Variants in TTLL4 observed in about 807,000 individuals in gnomAD.
The protein encoded by TTLL4 is tubulin tyrosine ligase like 4.
In TTLL4, 85 loss-of-function variants were observed where a neutral mutation model predicts 122.7. The observed-to-expected ratio is 0.69, with a 90% CI of 0.58 to 0.83. The LOEUF is 0.83. Ranked by LOEUF, TTLL4 falls within the 40% of genes least tolerant of loss-of-function variation. The pLI is 0.00. For synonymous variants in TTLL4, 553 were observed against 563.0 expected (o/e 0.98, Z 0.25); for missense variants, 1,363 against 1,488.6 (o/e 0.92, Z 1.39).
intron 1 of TTLL4, among the ~76,000 whole-genome samples, chr2:218,719,654 A>G (rs1225660406): frequency 2.0e-5 from 3 of 152,174 alleles, no homozygotes; most frequent in Admixed American, 6.5e-5. Context: ...GTCATCTGGA[A>G]TGCTTGTTAA....
rs1335578195 is a variant in TTLL4, at chr2:218,737,831, T to A, written c.155T>A (p.Ile52Asn). 6.2e-7 allele frequency: 1 copy of A among 1,614,108 alleles called. No individual in the cohort carries two copies. Among genetic ancestry groups the A allele is most frequent in the Admixed American group, 1.7e-5 (1 of 60,014 alleles). Residue 52 changes from isoleucine to asparagine, a missense_variant, in exon 3 of 20, where the codon ATC becomes AAC. By Grantham distance (149) the Ile-to-Asn change is moderately radical (BLOSUM62 -3). Coordinates refer to ENST00000392102, the MANE Select transcript of TTLL4 (RefSeq NM_014640.5). ...CAGGCCCATCAGCAAGTGAAGCCAA[T>A]CTGGAAGCTGGAAAAGAAGCAAGTG... ...WPQAHQQVKP[I>N]WKLEKKQVET... is the part of the protein sequence containing the mutation.
intron 2 of TTLL4, among the ~76,000 whole-genome samples, chr2:218,730,356 A>AG (rs1942343856): frequency 7.0e-6 from 1 of 142,322 alleles, no homozygotes; most frequent in Non-Finnish European, 1.5e-5. Flanking sequence ...AAAAGAAAAA[A>AG]AATTAGCTGG....
chr2:218,737,122 C>CT (rs757780551), intron 2 of TTLL4, among the ~76,000 whole-genome samples: 2 of 152,254 alleles, frequency 1.3e-5, no homozygotes, highest in East Asian at 3.9e-4. Context: ...CTCAAATAAT[C>CT]TTTAATCTTT....
At chr2:218,757,454 G>A (rs1161704976), downstream of TTLL4, among the ~76,000 whole-genome samples, 1 of 152,224 alleles carries the variant, frequency 6.6e-6, no homozygotes, top group Non-Finnish European at 1.5e-5. Context: ...TGTGAACTGA[G>A]TGGGATTATT....
intron 5 of TTLL4, among the ~76,000 whole-genome samples, chr2:218,741,980 A>C (rs1322834791): frequency 6.6e-6 from 1 of 152,248 alleles, no homozygotes; most frequent in Non-Finnish European, 1.5e-5. Flanking sequence ...TATTTTTTAG[A>C]GTCAGAGTCT....
chr2:218,752,591 T>G (rs2106463867), intron 16 of TTLL4, among the ~76,000 whole-genome samples, 172 bp from the exon 17 acceptor site: 2 of 152,258 alleles, frequency 1.3e-5, no homozygotes, highest in Middle Eastern at 6.8e-3. Flanking sequence ...TTCAGTAGAC[T>G]TAGGAACAGA....
chr2:218,753,136 G>A lies in TTLL4; in HGVS notation c.3209G>A (p.Trp1070Ter). 6.2e-7 allele frequency: 1 copy of A among 1,614,144 alleles called. No homozygotes were observed. Reference protein sequence around the residue: ...KLKGVDLLRSWCYKGFHMGVV... With the variant: ...KLKGVDLLRS ...CTAGGAGTAGATCTGCTCCGGAGTT[G>A]GTGCTACAAAGGGTTCCACATGGGA... The change falls in exon 18 of 20, where the codon TGG (tryptophan) becomes TAG (stop). Residue 1070 changes from tryptophan to a stop codon, truncating the protein, a stop_gained. Transcript: ENST00000392102. LOFTEE classifies it high-confidence loss of function.
Position 218,726,097 on chromosome 2 carries a change from C to T in TTLL4, c.-177-1172C>T, listed in dbSNP as rs146405353. 6.6e-3 allele frequency among the ~76,000 whole-genome samples: 997 copies of T among 152,006 alleles called. 6 individuals carry two copies. Among genetic ancestry groups the T allele is most frequent in the Non-Finnish European group, 0.01 (681 of 68,000 alleles). ...ACTATCTTTAGCATTACTTTTAAGA[C>T]GGGTCTGGTGGTAGTGAATTCTTTC... On this transcript the variant is annotated intron_variant, in intron 1 of 19. Transcript: ENST00000392102.
rs142610280 is a variant in TTLL4, at chr2:218,748,798, G to T, written c.2502-38G>T. 2.4e-4 allele frequency: 376 copies of T among 1,584,910 alleles called. No homozygotes were observed. In the African/African-American group the frequency reaches 4.2e-3, roughly 18 times the overall value. ...TCTTTGTCTTTGTCACTCATTCCTAGAATTTAATTCCTAATACTTCCTCTT... is the reference window on the plus strand; with the variant it reads ...TCTTTGTCTTTGTCACTCATTCCTATAATTTAATTCCTAATACTTCCTCTT... On this transcript the variant is annotated intron_variant, in intron 12 of 19. Transcript: ENST00000392102.
Position 218,750,355 on chromosome 2 carries a change from C to T in TTLL4, c.2873+209C>T, listed in dbSNP as rs554691384. On this transcript the variant is annotated intron_variant, in intron 15 of 19. Transcript: ENST00000392102. Reference sequence around the variant, plus strand: ...TGATCCCCTGCTTAGGAACCACAGGCCTAGGAATCAGATTTAAACATCTTA... The same window carrying T: ...TGATCCCCTGCTTAGGAACCACAGGTCTAGGAATCAGATTTAAACATCTTA... Among the ~76,000 whole-genome samples, 18 of 152,286 alleles carry T rather than the reference C, an allele frequency of 1.2e-4. No homozygotes were observed. The South Asian group carries it at 1.9e-3, about 16-fold the overall frequency.
At chr2:218,739,544 T>G (rs1422016081) in intron 3 of TTLL4, among the ~76,000 whole-genome samples, 1 of 152,160 alleles carries the variant, frequency 6.6e-6, no homozygotes, top group Non-Finnish European at 1.5e-5. Context: ...AGGAGAGAAA[T>G]AAGAATTGTG....
At chr2:218,743,440 G>A (rs1339846205) in intron 5 of TTLL4, among the ~76,000 whole-genome samples, 3 of 152,074 alleles carry the variant, frequency 2.0e-5, no homozygotes, top group Admixed American at 6.6e-5. Context: ...TTGTTTAACC[G>A]TACACCTGTT....
chr2:218,724,125 TAAAAC>T (rs960790898), intron 1 of TTLL4, among the ~76,000 whole-genome samples: 2 of 152,170 alleles, frequency 1.3e-5, no homozygotes, highest in Admixed American at 1.3e-4. Flanking sequence ...GAATGAATAA[TAAAAC>T]AAGTGTGGTA....
chr2:218,729,093 C>T (rs186300444), intron 2 of TTLL4, among the ~76,000 whole-genome samples: 116 of 151,950 alleles, frequency 7.6e-4, no homozygotes, highest in Admixed American at 1.5e-3. Context: ...CCACCATGCC[C>T]GGTTAATTTT....
At chr2:218,714,753 A>G (rs1443021534) in intron 1 of TTLL4, among the ~76,000 whole-genome samples, 1 of 151,792 alleles carries the variant, frequency 6.6e-6, no homozygotes. Context: ...ATATATATAT[A>G]TATTTCAATA....
intron 1 of TTLL4, among the ~76,000 whole-genome samples, chr2:218,720,903 G>A (rs988629053): frequency 1.3e-5 from 2 of 152,154 alleles, no homozygotes; most frequent in East Asian, 3.9e-4. Context: ...TTCTGGGAAG[G>A]GGAGTGGAGC....
In TTLL4 at chr2:218,747,168, A is replaced by C. The variant is rs776197564; in HGVS notation, c.2140A>C (p.Ser714Arg). ...CCTGCGCAAAGCGTGGGAGAGCAGC[A>C]GCCGCCAAAAGTGGATTGTGAAGCC... Reference protein sequence around the residue: ...KLLRKAWESSSRQKWIVKPPA... With the variant: ...KLLRKAWESSRRQKWIVKPPA... Residue 714 changes from serine (S) to arginine (R), a missense_variant, in exon 9 of 20, where the codon AGC (serine) becomes CGC (arginine). By Grantham distance (110) the Ser-to-Arg change is moderately radical (BLOSUM62 -1). Coordinates refer to ENST00000392102, the MANE Select transcript of TTLL4 (RefSeq NM_014640.5). The surrounding 1 kb of genome is among the most constrained non-coding windows in gnomAD (Gnocchi z 4.7). 1.7e-5 allele frequency: 27 copies of C among 1,614,094 alleles called. No homozygotes were observed. The highest frequency in any genetic ancestry group is 2.3e-5 in the Non-Finnish European group (27 of 1,180,046).
At chr2:218,746,946 C>G in intron 8 of TTLL4, 57 bp from the exon 9 acceptor site, 1 of 1,557,826 alleles carries the variant, frequency 6.4e-7, no homozygotes, top group South Asian at 1.2e-5. Context: ...GTCTTGTCAT[C>G]TTCCTCATGG....
intron 4 of TTLL4, 48 bp from the exon 5 acceptor site, chr2:218,740,473 T>C: frequency 6.3e-7 from 1 of 1,599,812 alleles, no homozygotes; most frequent in Non-Finnish European, 8.6e-7. Flanking sequence ...GGTAAGTTTG[T>C]GCTGCAGCCT....
Sources: gnomAD v4.1 joint callset for allele counts (sites outside exome capture counted in the v4.1 genomes callset) on GRCh38, gnomAD v4.1.1 for gene constraint, Gnocchi (gnomAD v3.1) non-coding constraint, MANE v1.5 for transcripts, NCBI Gene and HGNC (gene_info 2026-07-23, HGNC 2026-07-21) for gene names.